PDCD6IP: variants seen among roughly 807,000 people sequenced by gnomAD.
PDCD6IP encodes programmed cell death 6-interacting protein.
Under a neutral mutation model 103.7 loss-of-function variants are expected in PDCD6IP, and 43 were observed. That is an observed-to-expected ratio of 0.41 (90% confidence interval 0.32 to 0.53). The LOEUF is 0.53. Ranked by LOEUF, PDCD6IP falls within the 20% of genes least tolerant of loss-of-function variation. PDCD6IP has a pLI of 0.16. For synonymous variants in PDCD6IP, 354 were observed against 378.7 expected, an observed-to-expected ratio of 0.93 and a Z score of 0.76; for missense variants, 871 against 1,036.7, an observed-to-expected ratio of 0.84 and a Z score of 2.20.
intron 1 of PDCD6IP, among the ~76,000 whole-genome samples, chr3:33,800,854 T>C (rs2125538969): frequency 1.3e-5 from 2 of 152,316 alleles, no homozygotes; most frequent in East Asian, 3.9e-4. Flanking sequence ...GCATGGGTTT[T>C]AAGCTAACAG....
rs570208164 is a variant in PDCD6IP at position 33,845,941 on chromosome 3, C to A, written c.1641+353C>A. Among the ~76,000 whole-genome samples, 8 of 152,320 alleles carry A rather than the reference C, an allele frequency of 5.3e-5. No individual in the cohort carries two copies. The South Asian group carries it at 1.7e-3, about 32-fold the overall frequency. On this transcript the variant is annotated intron_variant, in intron 12 of 17. Transcript: ENST00000307296. ...AGCCAGATACACAAATTCTTTATTT[C>A]TTACATTATTCTATACTCCTTTCCA...
In PDCD6IP at chr3:33,822,039, T is replaced by C. The variant is rs1170315876; in HGVS notation, c.419T>C (p.Leu140Pro). 5 of 1,614,024 alleles carry C rather than the reference T, an allele frequency of 3.1e-6. No homozygotes were observed. Among genetic ancestry groups the C allele is most frequent in the Non-Finnish European group, 4.2e-6 (5 of 1,179,990 alleles). Reference protein sequence around the residue: ...LASQIAAEQNLDNDEGLKIAA... With the variant: ...LASQIAAEQNPDNDEGLKIAA... ...AGCCAAATTGCAGCAGAACAGAACC[T>C]GGATAATGATGAAGGATTGAAAATC... Residue 140 changes from leucine to proline, a missense_variant, in exon 4 of 18, where the codon CTG becomes CCG. This residue lies in a region of PDCD6IP where 47 missense variants were observed against 83.7 expected (regional missense o/e 0.56). Transcript: ENST00000307296.
intron 1 of PDCD6IP, among the ~76,000 whole-genome samples, chr3:33,805,586 A>G (rs1230457192): frequency 1.3e-5 from 2 of 151,584 alleles, no homozygotes; most frequent in Non-Finnish European, 2.9e-5. Flanking sequence ...TACCTGGCTA[A>G]TTATTAAATT....
At chr3:33,837,686 T>G (rs1035493951) in intron 8 of PDCD6IP, among the ~76,000 whole-genome samples, 2 of 152,032 alleles carry the variant, frequency 1.3e-5, no homozygotes, top group African/African-American at 4.8e-5. Flanking sequence ...CCTCCTGGGT[T>G]CAGACGATTC....
intron 5 of PDCD6IP, 90 bp from the exon 6 acceptor site, chr3:33,826,390 G>T: frequency 1.3e-6 from 1 of 792,980 alleles, no homozygotes; most frequent in South Asian, 1.9e-5. Context: ...TTTCAGATGC[G>T]TGTACAAACT....
chr3:33,809,030 T>C (rs1377506221), intron 1 of PDCD6IP, among the ~76,000 whole-genome samples: 1 of 152,214 alleles, frequency 6.6e-6, no homozygotes, highest in Non-Finnish European at 1.5e-5. Context: ...ATGCCTTTTA[T>C]GGTCATGCTG....
In PDCD6IP at chr3:33,809,905, C is replaced by T. The variant is rs4129358; in HGVS notation, c.210-2167C>T. Among the ~76,000 whole-genome samples, 104 of 152,228 alleles carry T rather than the reference C, an allele frequency of 6.8e-4. 2 individuals carry two copies. In the South Asian group the frequency reaches 0.02, roughly 29 times the overall value. On this transcript the variant is annotated intron_variant, in intron 1 of 17. Transcript: ENST00000307296. ...CTGCATTTTTGCATAGGAGTACCAG[C>T]GAAGTGATGCTGTGTTCTTTCTAGT... is the stretch of plus-strand genomic sequence containing the variant.
chr3:33,805,638 T>C (rs1696578124), intron 1 of PDCD6IP, among the ~76,000 whole-genome samples: 1 of 151,700 alleles, frequency 6.6e-6, no homozygotes, highest in Non-Finnish European at 1.5e-5. Context: ...CAGGCTGGTC[T>C]TGAACTCCTG....
At chr3:33,822,108 T>A in intron 4 of PDCD6IP, 26 bp downstream of exon 4, 1 of 1,609,988 alleles carries the variant, frequency 6.2e-7, no homozygotes. Flanking sequence ...GTTACTACAA[T>A]AATGGTCAAC....
chr3:33,851,352 A>G (rs1697708885), intron 12 of PDCD6IP, among the ~76,000 whole-genome samples: 1 of 151,902 alleles, frequency 6.6e-6, no homozygotes, highest in South Asian at 2.1e-4. Flanking sequence ...TGAAAGGGGC[A>G]GCTTGAAAGT....
In PDCD6IP at chr3:33,825,273, T is replaced by C. The variant is rs1234100349; in HGVS notation, c.549T>C (p.Thr183=). ...CGACCGTGGACATATCTCCAGATAC[T>C]GTTGGGACCCTCAGTCTTATTATGC... ...REPTVDISPD[T]VGTLSLIMLA... Residue 183 remains threonine, a synonymous_variant, in exon 5 of 18, where the codon ACT becomes ACC. Transcript: ENST00000307296. 4 of 1,613,816 alleles carry C rather than the reference T, an allele frequency of 2.5e-6. No individual in the cohort carries two copies. The South Asian group carries it at 4.4e-5, about 18-fold the overall frequency.
At chr3:33,824,735 A>G (rs912721805) in intron 4 of PDCD6IP, among the ~76,000 whole-genome samples, 3 of 152,236 alleles carry the variant, frequency 2.0e-5, no homozygotes, top group Non-Finnish European at 4.4e-5. Flanking sequence ...AATGGGTAGT[A>G]ATGCTGTTCC....
chr3:33,825,348 C>T lies in PDCD6IP; in HGVS notation c.616+8C>T, dbSNP rs373719719. Reference sequence around the variant, plus strand: ...TTTTAAAAGCCACAAGAGGTAACTCCAATTTATCTTTTTGTTGCATGTGAA... The same window carrying T: ...TTTTAAAAGCCACAAGAGGTAACTCTAATTTATCTTTTTGTTGCATGTGAA... On this transcript the variant is annotated splice_region_variant and intron_variant, in intron 5 of 17. Transcript: ENST00000307296. The T allele has an allele frequency of 9.1e-5, 144 of 1,582,356 alleles. No individual in the cohort carries two copies. Among genetic ancestry groups the T allele is most frequent in the Middle Eastern group, 1.7e-4 (1 of 5,912 alleles).
At chr3:33,826,859 T>C (rs1418049855) in intron 6 of PDCD6IP, 1 of 1,197,710 alleles carries the variant, frequency 8.3e-7, no homozygotes. Flanking sequence ...TCAATACTTT[T>C]ATCAAATCAA....
At chr3:33,817,186 A>T (rs532409327) in intron 3 of PDCD6IP, among the ~76,000 whole-genome samples, 2 of 152,300 alleles carry the variant, frequency 1.3e-5, no homozygotes, top group Non-Finnish European at 2.9e-5. Context: ...GGGTCCCCGG[A>T]ATTGGGCTCC....
intron 5 of PDCD6IP, among the ~76,000 whole-genome samples, chr3:33,825,717 G>A (rs901918928): frequency 1.6e-4 from 25 of 152,134 alleles, no homozygotes; most frequent in Admixed American, 1.6e-3. Context: ...TTTGGCGACG[G>A]GAGAGATGAT....
Position 33,865,433 on chromosome 3 carries a change from A to G in PDCD6IP, c.2432+3A>G, listed in dbSNP as rs1698043809. The G allele has an allele frequency of 2.5e-6, 4 of 1,579,722 alleles. No individual in the cohort carries two copies. The highest frequency in any genetic ancestry group is 2.6e-6 in the Non-Finnish European group (3 of 1,166,288). On this transcript the variant is annotated splice_donor_region_variant and intron_variant, in intron 17 of 17. Coordinates refer to ENST00000307296, the MANE Select transcript of PDCD6IP (RefSeq NM_013374.6). Reference sequence around the variant, plus strand: ...CCCACCTATCCAGGATATCCTGGGTAAGGCTGCAACATTGTGTATCCCAAG... The same window carrying G: ...CCCACCTATCCAGGATATCCTGGGTGAGGCTGCAACATTGTGTATCCCAAG...
At chr3:33,857,618 T>C (rs1697857915) in intron 15 of PDCD6IP, among the ~76,000 whole-genome samples, 2 of 152,160 alleles carry the variant, frequency 1.3e-5, no homozygotes, top group South Asian at 4.1e-4. Flanking sequence ...AAATAATTAT[T>C]GACCAAGGGG....
intron 3 of PDCD6IP, among the ~76,000 whole-genome samples, chr3:33,816,096 G>A (rs1413811474): frequency 1.3e-5 from 2 of 152,144 alleles, no homozygotes; most frequent in South Asian, 2.1e-4. Context: ...ACCTGGCTGC[G>A]TATTAGTATT....
Sources: allele counts gnomAD v4.1 joint callset (sites outside exome capture counted in the v4.1 genomes callset), GRCh38; gene constraint gnomAD v4.1.1; regional missense constraint gnomAD v4.1.1; transcripts MANE v1.5; gene names NCBI Gene and HGNC (gene_info 2026-07-23, HGNC 2026-07-21).